CHST8: variants seen among roughly 807,000 people sequenced by gnomAD.
CHST8 encodes GALNAC-4-ST1.
Under a neutral mutation model 15.0 loss-of-function variants are expected in CHST8, and 10 were observed. That is an observed-to-expected ratio of 0.67 (90% CI 0.41 to 1.13). CHST8 has a LOEUF of 1.13. CHST8 is among the 50% of genes most tolerant of loss of function. The pLI, the probability that CHST8 is intolerant of heterozygous loss-of-function variation, is 0.00. For synonymous variants in CHST8, 259 were observed against 256.6 expected, an observed-to-expected ratio of 1.01 and a Z score of -0.09; for missense variants, 634 against 608.2, an observed-to-expected ratio of 1.04 and a Z score of -0.45.
At chr19:33,714,734 T>G (rs566542220) in intron 3 of CHST8, among the ~76,000 whole-genome samples, 29 of 152,324 alleles carry the variant, frequency 1.9e-4, no homozygotes, top group African/African-American at 6.5e-4. Context: ...TGATAGTGAA[T>G]GAGTCTCATG....
chr19:33,750,310 G>A (rs767969427), intron 3 of CHST8, among the ~76,000 whole-genome samples: 13 of 152,182 alleles, frequency 8.5e-5, no homozygotes, highest in Admixed American at 2.0e-4. Context: ...CTAGCCGTCT[G>A]CTATAGGGGC....
At chr19:33,732,761 C>G (rs1599598011) in intron 3 of CHST8, among the ~76,000 whole-genome samples, 1 of 152,044 alleles carries the variant, frequency 6.6e-6, no homozygotes, top group Non-Finnish European at 1.5e-5. Context: ...GCCAGACCCT[C>G]GGAAAGGCAG....
At chr19:33,676,725 A>G (rs1456732101) in intron 2 of CHST8, among the ~76,000 whole-genome samples, 8 of 151,460 alleles carry the variant, frequency 5.3e-5, no homozygotes, top group Admixed American at 5.3e-4. Context: ...AAATTTTTGA[A>G]AATTAGCTGG....
At chr19:33,696,322 G>A (rs952373349) in intron 3 of CHST8, among the ~76,000 whole-genome samples, 2 of 151,962 alleles carry the variant, frequency 1.3e-5, no homozygotes, top group South Asian at 4.1e-4. Context: ...TAAGGCAGGG[G>A]TCTCCAACCC....
intron 3 of CHST8, among the ~76,000 whole-genome samples, chr19:33,722,816 T>C (rs538000455): frequency 6.6e-6 from 1 of 152,326 alleles, no homozygotes; most frequent in African/African-American, 2.4e-5. Context: ...GCTTTGATGT[T>C]CTCCAGTTAG....
intron 1 of CHST8, among the ~76,000 whole-genome samples, chr19:33,660,592 C>T (rs1456461827): frequency 2.6e-5 from 4 of 152,170 alleles, no homozygotes; most frequent in Non-Finnish European, 4.4e-5. Context: ...CACTTGCCAG[C>T]GCCATGACAG....
At chr19:33,673,023 TC>T (rs1972761844) in intron 2 of CHST8, among the ~76,000 whole-genome samples, 1 of 152,266 alleles carries the variant, frequency 6.6e-6, no homozygotes, top group Admixed American at 6.5e-5. Flanking sequence ...GGGAGACACT[TC>T]CTGGGTTTGC....
intron 2 of CHST8, among the ~76,000 whole-genome samples, chr19:33,687,205 T>C (rs148211534): frequency 2.1e-4 from 32 of 152,304 alleles, no homozygotes; most frequent in African/African-American, 7.0e-4. Context: ...TGGGGGACGG[T>C]AGGGCATCGC....
rs1231562691 is a variant in CHST8 at position 33,683,871 on chromosome 19, C to T, written c.-86-5305C>T. ...CCAAGGTTCACACATTCAGGGAATTCGGGGCACTGAGTCAGCATTCTAGAC... is the reference window on the plus strand; with the variant it reads ...CCAAGGTTCACACATTCAGGGAATTTGGGGCACTGAGTCAGCATTCTAGAC... On this transcript the variant is annotated intron_variant, in intron 2 of 4. Coordinates refer to ENST00000650847, the MANE Select transcript of CHST8 (RefSeq NM_001127895.2). Among the ~76,000 whole-genome samples, 3 of 152,176 alleles carry T rather than the reference C, an allele frequency of 2.0e-5. No homozygotes were observed. In the East Asian group the frequency reaches 5.8e-4, roughly 29 times the overall value.
At chr19:33,744,292 T>G (rs1974267022) in intron 3 of CHST8, 1 of 152,064 alleles carries the variant, frequency 6.6e-6, no homozygotes. Context: ...GGAGAAAAGG[T>G]GGGGGCAGAT....
intron 3 of CHST8, among the ~76,000 whole-genome samples, chr19:33,708,793 G>A (rs984038394): frequency 7.9e-5 from 12 of 152,136 alleles, no homozygotes; most frequent in Non-Finnish European, 1.8e-4. Context: ...GATAGGAATG[G>A]CATTGACTGT....
rs1268020138 is a variant in CHST8 at position 33,650,520 on chromosome 19, T to TTTC, written c.-163-17245_-163-17244insCTT. Among the ~76,000 whole-genome samples the TTTC allele has an allele frequency of 1.6e-3, 41 of 25,840 alleles. 2 individuals are homozygous for TTTC. The highest frequency in any genetic ancestry group is 4.5e-3 in the African/African-American group (35 of 7,710). 17.0% of individuals were successfully genotyped at this position (25,840 alleles called of 152,430 possible). On this transcript the variant is annotated intron_variant, in intron 1 of 4. Coordinates refer to ENST00000650847, the MANE Select transcript of CHST8 (RefSeq NM_001127895.2). ...CTTTTTCTTTTTCTTTTTCTTTTCTTTTTTTTTTTTTTTTTTTTTTTTTTT... is the reference window on the plus strand; with the variant it reads ...CTTTTTCTTTTTCTTTTTCTTTTCTTTTCTTTTTTTTTTTTTTTTTTTTTTTTT...
At chr19:33,625,084 CTTTCT>C (rs1422186829) in intron 1 of CHST8, among the ~76,000 whole-genome samples, 9 of 149,294 alleles carry the variant, frequency 6.0e-5, no homozygotes, top group Non-Finnish European at 1.0e-4. Context: ...AGCTTTCTTT[CTTTCT>C]TTTTTTTTTT....
At chr19:33,691,140 G>T (rs926514319) in intron 3 of CHST8, among the ~76,000 whole-genome samples, 4 of 152,228 alleles carry the variant, frequency 2.6e-5, no homozygotes, top group Non-Finnish European at 5.9e-5. Flanking sequence ...CACTGCGCAG[G>T]TCCCTGTTGC....
At chr19:33,762,528 C>A (rs889692651) in intron 3 of CHST8, among the ~76,000 whole-genome samples, 7 of 152,222 alleles carry the variant, frequency 4.6e-5, no homozygotes, top group African/African-American at 1.7e-4. Context: ...AGGCGCTCAT[C>A]GGCCAGAGAC....
chr19:33,756,080 C>G (rs1186830502), intron 3 of CHST8, among the ~76,000 whole-genome samples: 4 of 152,154 alleles, frequency 2.6e-5, no homozygotes, highest in Non-Finnish European at 5.9e-5. Context: ...GGAGACACCC[C>G]CAAAGTGCTG....
At chr19:33,743,199 AG>A (rs1974232131) in intron 3 of CHST8, among the ~76,000 whole-genome samples, 1 of 151,948 alleles carries the variant, frequency 6.6e-6, no homozygotes, top group Non-Finnish European at 1.5e-5. Flanking sequence ...TCTTCTAGGC[AG>A]TAGTGGATTT....
chr19:33,685,354 CTTTTTT>C (rs113246634), intron 2 of CHST8, among the ~76,000 whole-genome samples: 3 of 143,234 alleles, frequency 2.1e-5, no homozygotes, highest in African/African-American at 7.7e-5. Context: ...TTAATTGGAT[CTTTTTT>C]TTTTTTTTTC....
At chr19:33,762,413 C>T (rs953959819) in intron 3 of CHST8, among the ~76,000 whole-genome samples, 9 of 152,230 alleles carry the variant, frequency 5.9e-5, no homozygotes, top group South Asian at 2.1e-4. Flanking sequence ...AGGGAATTCA[C>T]GACCAAGGCT....
Sources: allele counts gnomAD v4.1 joint callset (sites outside exome capture counted in the v4.1 genomes callset), GRCh38; gene constraint gnomAD v4.1.1; transcripts MANE v1.5; gene names NCBI Gene and HGNC (gene_info 2026-07-23, HGNC 2026-07-21).